The following BNC2 variants were observed in gnomAD, a reference collection of about 807,000 sequenced individuals.
BNC2 encodes basonuclin zinc finger protein 2.
In BNC2, 20 loss-of-function variants were observed where a neutral mutation model predicts 76.3. The observed-to-expected ratio is 0.26, with a 90% CI of 0.18 to 0.38. The LOEUF is 0.38. Ranked by LOEUF, BNC2 falls within the 10% of genes least tolerant of loss-of-function variation. The pLI, the probability that BNC2 is intolerant of heterozygous loss-of-function variation, is 1.00. For missense variants in BNC2, 1,382 were observed against 1,399.8 expected, an observed-to-expected ratio of 0.99 and a Z score of 0.20; for synonymous variants, 582 against 514.8, an observed-to-expected ratio of 1.13 and a Z score of -1.77.
At chr9:16,528,210 A>G (rs1290730942) in intron 5 of BNC2, among the ~76,000 whole-genome samples, 2 of 152,214 alleles carry the variant, frequency 1.3e-5, no homozygotes, top group Non-Finnish European at 1.5e-5. Flanking sequence ...CTCCATTAAT[A>G]ATATATGACT....
At position 16,853,381 on chromosome 9, in the gene BNC2, G is replaced by A. The variant is rs1362480074; in HGVS notation, c.3+17265C>T. Among the ~76,000 whole-genome samples, 5 of 148,672 alleles carry A rather than the reference G, an allele frequency of 3.4e-5. No homozygotes were observed. The East Asian group carries it at 8.0e-4, about 24-fold the overall frequency. Reference sequence around the variant, plus strand: ...TGATCATGCCACTGCACTCCAGCCTGAGTGATGAGAGTGAGACCTTGTCTC... The same window carrying A: ...TGATCATGCCACTGCACTCCAGCCTAAGTGATGAGAGTGAGACCTTGTCTC... On this transcript the variant is annotated intron_variant, in intron 1 of 6. Coordinates refer to ENST00000380672, the MANE Select transcript of BNC2 (RefSeq NM_017637.6).
At position 16,458,045 on chromosome 9, in the gene BNC2, T is replaced by C. The variant is rs150462749; in HGVS notation, c.670-20521A>G. 8.0e-3 allele frequency among the ~76,000 whole-genome samples: 1,214 copies of C among 152,248 alleles called. 13 individuals are homozygous for C. The highest frequency in any genetic ancestry group is 0.027 in the African/African-American group (1,139 of 41,540). On this transcript the variant is annotated intron_variant, in intron 5 of 6. Transcript: ENST00000380672. ...AAAGAGGTAGAATGTCTGTCTTTATTTGAGCACAGAGAGGTGTGATTTATT... is the reference window on the plus strand; with the variant it reads ...AAAGAGGTAGAATGTCTGTCTTTATCTGAGCACAGAGAGGTGTGATTTATT...
At chr9:16,434,117 A>C (rs533597986) in intron 6 of BNC2, among the ~76,000 whole-genome samples, 1 of 152,286 alleles carries the variant, frequency 6.6e-6, no homozygotes, top group Non-Finnish European at 1.5e-5. Flanking sequence ...AAAATCATTA[A>C]AAAAATGGTT....
chr9:16,646,216 A>T (rs1390864297), intron 3 of BNC2, among the ~76,000 whole-genome samples: 1 of 152,204 alleles, frequency 6.6e-6, no homozygotes, highest in African/African-American at 2.4e-5. Flanking sequence ...AGAATTTGGG[A>T]TGGGCATTCA....
intron 4 of BNC2, among the ~76,000 whole-genome samples, chr9:16,582,782 A>AGCGCT (rs532268885): frequency 2.0e-5 from 3 of 152,266 alleles, no homozygotes; most frequent in Admixed American, 6.5e-5. Flanking sequence ...CTGCTCGCCT[A>AGCGCT]GCTCCTTGGA....
At chr9:16,496,238 A>G (rs560842270) in intron 5 of BNC2, among the ~76,000 whole-genome samples, 1 of 152,212 alleles carries the variant, frequency 6.6e-6, no homozygotes, top group African/African-American at 2.4e-5. Context: ...AAACAAAAAA[A>G]CAAAACAAAA....
chr9:16,738,469 G>C lies in BNC2; in HGVS notation c.20C>G (p.Thr7Ser), dbSNP rs1824745674. Reference protein sequence around the residue: MAHLGPTPPPHSLNYKS... With the variant: MAHLGPSPPPHSLNYKS... ...GTAATTAAGGCTATGTGGAGGTGGGGTGGGCCCAAGGTGTGCCTATTGAGA... is the reference window on the plus strand; with the variant it reads ...GTAATTAAGGCTATGTGGAGGTGGGCTGGGCCCAAGGTGTGCCTATTGAGA... Residue 7 changes from threonine (T) to serine (S), a missense_variant, in exon 2 of 7, where the codon ACC becomes AGC. Physicochemically the swap from Thr to Ser is moderately conservative, Grantham distance 58. Transcript: ENST00000380672. 6.2e-7 allele frequency: 1 copy of C among 1,613,976 alleles called. No individual in the cohort carries two copies. Among genetic ancestry groups the C allele is most frequent in the Non-Finnish European group, 8.5e-7 (1 of 1,179,984 alleles).
At chr9:16,636,604 G>A (rs1469687628) in intron 3 of BNC2, among the ~76,000 whole-genome samples, 1 of 152,102 alleles carries the variant, frequency 6.6e-6, no homozygotes, top group African/African-American at 2.4e-5. Context: ...CACCCAGCTA[G>A]ATAAGCTTTT....
At chr9:16,490,996 C>T in intron 5 of BNC2, among the ~76,000 whole-genome samples, 1 of 152,074 alleles carries the variant, frequency 6.6e-6, no homozygotes, top group East Asian at 1.9e-4. Flanking sequence ...GACCACATGG[C>T]TCCATATGAG....
intron 5 of BNC2, among the ~76,000 whole-genome samples, chr9:16,499,683 C>T (rs753778782): frequency 1.3e-5 from 2 of 151,788 alleles, no homozygotes; most frequent in African/African-American, 4.8e-5. Flanking sequence ...GCGCCTGCCA[C>T]CCTGTCTGGC....
intron 4 of BNC2, among the ~76,000 whole-genome samples, chr9:16,557,620 T>C (rs538716524): frequency 2.3e-4 from 35 of 152,058 alleles, no homozygotes; most frequent in African/African-American, 8.2e-4. Context: ...TCAGAGAACA[T>C]CCAATCAGGT....
At chr9:16,696,764 C>A (rs1387909210) in intron 3 of BNC2, among the ~76,000 whole-genome samples, 1 of 152,130 alleles carries the variant, frequency 6.6e-6, no homozygotes, top group Admixed American at 6.5e-5. Flanking sequence ...TTTCATTATT[C>A]CAGCAGATCC....
intron 1 of BNC2, among the ~76,000 whole-genome samples, chr9:16,772,771 G>A (rs1469335471): frequency 3.3e-5 from 5 of 152,160 alleles, no homozygotes; most frequent in African/African-American, 7.2e-5. Context: ...TTGCACTAGT[G>A]CACATAAACA....
At chr9:16,639,855 A>C (rs1353827467) in intron 3 of BNC2, among the ~76,000 whole-genome samples, 1 of 152,108 alleles carries the variant, frequency 6.6e-6, no homozygotes, top group Non-Finnish European at 1.5e-5. Flanking sequence ...CCAGGAGTTC[A>C]AGGCTTCAGT....
In BNC2 at chr9:16,854,515, C is replaced by T. The variant is rs1267007976; in HGVS notation, c.3+16131G>A. Reference sequence around the variant, plus strand: ...CATTTAACAAAAGAAACTTTCTCTACCAGGTATTTAATAACTAGTTTCTAA... The same window carrying T: ...CATTTAACAAAAGAAACTTTCTCTATCAGGTATTTAATAACTAGTTTCTAA... On this transcript the variant is annotated intron_variant, in intron 1 of 6. Coordinates refer to ENST00000380672, the MANE Select transcript of BNC2 (RefSeq NM_017637.6). Among the ~76,000 whole-genome samples, 9 of 152,126 alleles carry T rather than the reference C, an allele frequency of 5.9e-5. No individual in the cohort carries two copies. The East Asian group carries it at 1.5e-3, about 26-fold the overall frequency.
intron 3 of BNC2, among the ~76,000 whole-genome samples, chr9:16,617,163 G>C (rs1320417707): frequency 6.6e-6 from 1 of 152,110 alleles, no homozygotes; most frequent in Admixed American, 6.5e-5. Flanking sequence ...TCAGTTTACT[G>C]TCAAGTCCAC....
At position 16,523,752 on chromosome 9, in the gene BNC2, C is replaced by A. The variant is rs574091903; in HGVS notation, c.669+28778G>T. 6.1e-3 allele frequency among the ~76,000 whole-genome samples: 927 copies of A among 152,090 alleles called. 11 individuals are homozygous for A. The highest frequency in any genetic ancestry group is 0.021 in the African/African-American group (884 of 41,504). On this transcript the variant is annotated intron_variant, in intron 5 of 6. Coordinates refer to ENST00000380672, the MANE Select transcript of BNC2 (RefSeq NM_017637.6). ...CCAGCCTGGCCAACATGGTGAAACC[C>A]TGTCTCTACTAAAAATACAAAAAAT...
At chr9:16,809,215 A>G (rs938530134) in intron 1 of BNC2, among the ~76,000 whole-genome samples, 8 of 152,168 alleles carry the variant, frequency 5.3e-5, no homozygotes, top group African/African-American at 1.2e-4. Flanking sequence ...CTAGAGGAAG[A>G]ACTGTTGACA....
intron 3 of BNC2, among the ~76,000 whole-genome samples, chr9:16,653,126 C>T (rs184339255): frequency 1.6e-4 from 25 of 152,240 alleles, no homozygotes; most frequent in African/African-American, 4.8e-4. Context: ...TGCAAAATGA[C>T]TTAAGAGTAC....
Sources: allele counts gnomAD v4.1 joint callset (sites outside exome capture counted in the v4.1 genomes callset), GRCh38; gene constraint gnomAD v4.1.1; transcripts MANE v1.5; gene names NCBI Gene and HGNC (gene_info 2026-07-23, HGNC 2026-07-21).